The following MACROD2 variants were observed in gnomAD, a reference collection of about 807,000 sequenced individuals.
The protein encoded by MACROD2 is ADP-ribose glycohydrolase MACROD2.
A neutral mutation model predicts 70.4 loss-of-function variants in MACROD2; 36 were observed. The ratio of observed to expected loss-of-function variants is 0.51; its 90% CI spans 0.39 to 0.68. The LOEUF is 0.68. Ranked by LOEUF, MACROD2 falls within the 30% of genes least tolerant of loss-of-function variation. The pLI, the probability that MACROD2 is intolerant of heterozygous loss-of-function variation, is 0.00. For synonymous variants in MACROD2, 172 were observed against 178.8 expected, an observed-to-expected ratio of 0.96 and a Z score of 0.30; for missense variants, 496 against 538.4, an observed-to-expected ratio of 0.92 and a Z score of 0.78.
intron 5 of MACROD2, among the ~76,000 whole-genome samples, chr20:14,774,187 G>C (rs1019557627): frequency 2.0e-5 from 3 of 152,024 alleles, no homozygotes; most frequent in Non-Finnish European, 2.9e-5. Context: ...GCATTAAAGA[G>C]TGTCAGCTCT....
At chr20:14,592,446 C>A (rs1048266357) in intron 4 of MACROD2, among the ~76,000 whole-genome samples, 3 of 152,096 alleles carry the variant, frequency 2.0e-5, no homozygotes, top group African/African-American at 7.2e-5. Context: ...TTTTCTGAGA[C>A]ACAATCTTGT....
At chr20:15,641,428 C>T (rs936436608) in intron 8 of MACROD2, among the ~76,000 whole-genome samples, 3 of 152,126 alleles carry the variant, frequency 2.0e-5, no homozygotes, top group Non-Finnish European at 1.5e-5. Flanking sequence ...AAGATTCATG[C>T]CTCTATGGAG....
At chr20:14,254,225 C>T (rs1199849809) in intron 3 of MACROD2, among the ~76,000 whole-genome samples, 1 of 151,710 alleles carries the variant, frequency 6.6e-6, no homozygotes, top group African/African-American at 2.4e-5. Context: ...TTTTGCTTTT[C>T]AGTTATTTTC....
intron 3 of MACROD2, among the ~76,000 whole-genome samples, chr20:14,489,053 C>T (rs1016645329): frequency 3.3e-5 from 5 of 152,202 alleles, no homozygotes; most frequent in African/African-American, 9.6e-5. Flanking sequence ...GTACAAACAA[C>T]ACAGATACTG....
intron 5 of MACROD2, among the ~76,000 whole-genome samples, chr20:14,998,114 G>T (rs2074965211): frequency 6.6e-6 from 1 of 152,184 alleles, no homozygotes; most frequent in Admixed American, 6.5e-5. Context: ...CCCTTTGAAT[G>T]CTTGGAAAGC....
intron 8 of MACROD2, among the ~76,000 whole-genome samples, chr20:15,681,114 A>AC (rs1395755233): frequency 1.3e-5 from 2 of 152,184 alleles, no homozygotes; most frequent in Admixed American, 6.5e-5. Flanking sequence ...CAATCTTCTT[A>AC]CCAAGGTACA....
chr20:14,052,782 A>G (rs2053585123), intron 2 of MACROD2, among the ~76,000 whole-genome samples: 1 of 152,116 alleles, frequency 6.6e-6, no homozygotes, highest in South Asian at 2.1e-4. Context: ...TAGAAACACT[A>G]TCTTCAGTTG....
At chr20:15,608,879 C>A (rs930389084) in intron 8 of MACROD2, among the ~76,000 whole-genome samples, 3 of 152,046 alleles carry the variant, frequency 2.0e-5, no homozygotes, top group Non-Finnish European at 4.4e-5. Context: ...GAATCTTTTT[C>A]TTTATGTTAT....
intron 5 of MACROD2, among the ~76,000 whole-genome samples, chr20:14,774,544 G>A (rs1037996609): frequency 2.0e-5 from 3 of 152,062 alleles, no homozygotes; most frequent in Admixed American, 2.0e-4. Context: ...CTATCTGAAT[G>A]TCTCCTTCTC....
At chr20:15,165,920 G>T (rs1382483961) in intron 5 of MACROD2, among the ~76,000 whole-genome samples, 2 of 152,050 alleles carry the variant, frequency 1.3e-5, no homozygotes, top group African/African-American at 4.8e-5. Flanking sequence ...GCAATGAAAA[G>T]GAAGAAACTA....
rs536627467 is a variant in MACROD2 at position 15,931,259 on chromosome 20, G to A, written c.776-2017G>A. 3.3e-5 allele frequency among the ~76,000 whole-genome samples: 5 copies of A among 152,296 alleles called. No homozygotes were observed. In the South Asian group the frequency reaches 1.0e-3, roughly 32 times the overall value. On this transcript the variant is annotated intron_variant, in intron 10 of 17. Transcript: ENST00000684519. ...GTTTCCTTCATGGAGAACCAGAACA[G>A]GGAAAATATCAGATAATCATGTAGT...
At chr20:15,747,555 A>G (rs1600836978) in intron 8 of MACROD2, among the ~76,000 whole-genome samples, 2 of 152,274 alleles carry the variant, frequency 1.3e-5, no homozygotes, top group East Asian at 3.9e-4. Flanking sequence ...TAGTATTGTT[A>G]TGTTTATTTT....
chr20:15,445,686 C>G (rs1324124593), intron 7 of MACROD2, among the ~76,000 whole-genome samples: 1 of 152,134 alleles, frequency 6.6e-6, no homozygotes, highest in African/African-American at 2.4e-5. Context: ...ACCCGGAAAG[C>G]TTGCACAGTT....
chr20:14,378,784 C>T (rs2083396289), intron 3 of MACROD2, among the ~76,000 whole-genome samples: 1 of 152,206 alleles, frequency 6.6e-6, no homozygotes, highest in Non-Finnish European at 1.5e-5. Context: ...TGTCAGTCCT[C>T]CTCTTTTTAG....
At chr20:15,655,638 C>T (rs534896944) in intron 8 of MACROD2, among the ~76,000 whole-genome samples, 21 of 152,266 alleles carry the variant, frequency 1.4e-4, no homozygotes, top group African/African-American at 4.6e-4. Flanking sequence ...GGAAAAGACA[C>T]GTCAACATTA....
rs539787296 is a variant in MACROD2 at position 15,796,775 on chromosome 20, A to G, written c.646-65970A>G. ...TAAATAACATGAAATGAGTACTGGTAACAGTGAATTGACACGATTCTAGCC... is the reference window on the plus strand; with the variant it reads ...TAAATAACATGAAATGAGTACTGGTGACAGTGAATTGACACGATTCTAGCC... On this transcript the variant is annotated intron_variant, in intron 8 of 17. Coordinates refer to ENST00000684519, the MANE Select transcript of MACROD2 (RefSeq NM_001351661.2). Among the ~76,000 whole-genome samples, 4 of 152,344 alleles carry G rather than the reference A, an allele frequency of 2.6e-5. No individual in the cohort carries two copies. The South Asian group carries it at 6.2e-4, about 24-fold the overall frequency.
intron 5 of MACROD2, among the ~76,000 whole-genome samples, chr20:14,855,402 G>A (rs1192763140): frequency 6.6e-6 from 1 of 152,132 alleles, no homozygotes; most frequent in African/African-American, 2.4e-5. Context: ...AAAGGGACCT[G>A]GCGGGGGAAG....
intron 4 of MACROD2, among the ~76,000 whole-genome samples, chr20:14,514,232 A>G (rs1261035209): frequency 1.3e-5 from 2 of 152,156 alleles, no homozygotes; most frequent in African/African-American, 4.8e-5. Flanking sequence ...TGAGCATCCC[A>G]TAAATAAAAG....
At chr20:14,778,785 T>A (rs1568790743) in intron 5 of MACROD2, among the ~76,000 whole-genome samples, 2 of 152,028 alleles carry the variant, frequency 1.3e-5, no homozygotes, top group African/African-American at 4.8e-5. Flanking sequence ...GTGAGGAAAG[T>A]GGTTAGATTC....
Sources: gnomAD v4.1 joint callset for allele counts (sites outside exome capture counted in the v4.1 genomes callset) on GRCh38, gnomAD v4.1.1 for gene constraint, MANE v1.5 for transcripts, NCBI Gene and HGNC (gene_info 2026-07-23, HGNC 2026-07-21) for gene names.